Variants in ERBB4 observed in about 807,000 individuals in gnomAD.
The protein encoded by ERBB4 is receptor tyrosine-protein kinase erbB-4.
In ERBB4, 42 loss-of-function variants were observed where a neutral mutation model predicts 158.0. The ratio of observed to expected loss-of-function variants is 0.27; its 90% confidence interval spans 0.21 to 0.34. The LOEUF is 0.34. Among genes scored for constraint, ERBB4 ranks in the 10% least tolerant of loss-of-function variants. ERBB4 has a pLI of 1.00. For missense variants in ERBB4, 1,333 were observed against 1,624.1 expected (o/e 0.82, Z 3.08); for synonymous variants, 583 against 558.7 (o/e 1.04, Z -0.61).
intron 2 of ERBB4, among the ~76,000 whole-genome samples, chr2:212,099,642 T>C (rs2079027166): frequency 6.6e-6 from 1 of 152,148 alleles, no homozygotes; most frequent in Non-Finnish European, 1.5e-5. Context: ...CTACAACCTC[T>C]ACCTTATCTG....
intron 25 of ERBB4, among the ~76,000 whole-genome samples, chr2:211,411,485 C>T (rs1008391647): frequency 1.3e-5 from 2 of 152,164 alleles, no homozygotes; most frequent in Admixed American, 6.5e-5. Context: ...ACAGTCAAAT[C>T]TATAATACAT....
At chr2:211,529,320 C>T (rs2066433697) in intron 20 of ERBB4, among the ~76,000 whole-genome samples, 1 of 151,466 alleles carries the variant, frequency 6.6e-6, no homozygotes, top group South Asian at 2.1e-4. Flanking sequence ...AATCCAAAAC[C>T]TGAACAAACA....
intron 20 of ERBB4, among the ~76,000 whole-genome samples, chr2:211,546,888 A>G (rs554555382): frequency 6.6e-6 from 1 of 152,244 alleles, no homozygotes; most frequent in East Asian, 1.9e-4. Flanking sequence ...CATTATTACA[A>G]ATACTGATCG....
At chr2:212,473,726 A>C (rs1157996057) in intron 1 of ERBB4, among the ~76,000 whole-genome samples, 1 of 152,220 alleles carries the variant, frequency 6.6e-6, no homozygotes, top group East Asian at 1.9e-4. Flanking sequence ...TATATGGATA[A>C]AACTACAGCT....
chr2:211,525,062 C>A (rs570116620), intron 20 of ERBB4, among the ~76,000 whole-genome samples: 37 of 152,276 alleles, frequency 2.4e-4, no homozygotes, highest in African/African-American at 8.7e-4. Flanking sequence ...TTCCAGCAAG[C>A]CTCACCACTG....
At chr2:212,026,762 G>A (rs1032637772) in intron 2 of ERBB4, among the ~76,000 whole-genome samples, 4 of 151,746 alleles carry the variant, frequency 2.6e-5, no homozygotes, top group African/African-American at 9.7e-5. Flanking sequence ...CTGAAATTCA[G>A]TTCATTTATG....
intron 20 of ERBB4, among the ~76,000 whole-genome samples, chr2:211,482,906 A>T (rs1477250490): frequency 2.0e-5 from 3 of 152,302 alleles, no homozygotes; most frequent in African/African-American, 7.2e-5. Flanking sequence ...ACTGTCTCAA[A>T]AAATAAATAA....
In ERBB4 at chr2:212,115,342, G is replaced by T. The variant is rs1001223047; in HGVS notation, c.234+9410C>A. ...TCAAGTTTAAATCTGTCTTTTTTTTGAAAGAAAACAAAGTGTTTCATTTTA... is the reference window on the plus strand; with the variant it reads ...TCAAGTTTAAATCTGTCTTTTTTTTTAAAGAAAACAAAGTGTTTCATTTTA... On this transcript the variant is annotated intron_variant, in intron 2 of 27. Transcript: ENST00000342788. Among the ~76,000 whole-genome samples the T allele has an allele frequency of 6.6e-5, 10 of 150,492 alleles. 1 individual carries two copies. In the East Asian group the frequency reaches 2.0e-3, roughly 29 times the overall value.
chr2:212,005,738 TGCC>T (rs986498447), intron 2 of ERBB4, among the ~76,000 whole-genome samples: 2 of 152,218 alleles, frequency 1.3e-5, no homozygotes, highest in Non-Finnish European at 1.5e-5. Context: ...ATTAAATTTT[TGCC>T]AGTTATTGAG....
chr2:212,410,816 A>C (rs2091476256), intron 1 of ERBB4, among the ~76,000 whole-genome samples: 1 of 152,206 alleles, frequency 6.6e-6, no homozygotes, highest in African/African-American at 2.4e-5. Flanking sequence ...TCACCATGTA[A>C]GACTCTAACA....
intron 2 of ERBB4, among the ~76,000 whole-genome samples, chr2:211,948,972 C>T (rs769041961): frequency 6.6e-6 from 1 of 152,094 alleles, no homozygotes; most frequent in Non-Finnish European, 1.5e-5. Context: ...TCTTCCTCCA[C>T]CCCTCTGGCA....
rs1436364253 is a variant in ERBB4, at chr2:211,630,661, A to G, written c.1947-67T>C. Reference sequence around the variant, plus strand: ...GAGAGAGAAGACAGAGGAAGAGAAAAGAGCAGTTGTACAAGACATTATCCA... The same window carrying G: ...GAGAGAGAAGACAGAGGAAGAGAAAGGAGCAGTTGTACAAGACATTATCCA... On this transcript the variant is annotated intron_variant, in intron 16 of 27. Transcript: ENST00000342788. The G allele has an allele frequency of 1.1e-5, 15 of 1,385,186 alleles. No homozygotes were observed. In the East Asian group the frequency reaches 3.4e-4, roughly 32 times the overall value. 85.8% of individuals were successfully genotyped at this position (1,385,186 alleles called of 1,614,324 possible). A position where few individuals can be genotyped will look rare whatever the true frequency, so the allele number is the denominator to read the frequency against.
chr2:212,261,363 G>C (rs2084938097), intron 1 of ERBB4, among the ~76,000 whole-genome samples: 1 of 152,054 alleles, frequency 6.6e-6, no homozygotes, highest in South Asian at 2.1e-4. Flanking sequence ...ATCAATCTTA[G>C]GTAGGACTGA....
chr2:211,673,397 TAAG>T (rs773185744), intron 13 of ERBB4, 140 bp from the exon 14 acceptor site: 4 of 701,732 alleles, frequency 5.7e-6, no homozygotes, highest in African/African-American at 1.8e-5. Flanking sequence ...TCAGAAACAT[TAAG>T]TTTTCCATTA....
At chr2:212,168,064 A>C (rs558421037) in intron 1 of ERBB4, among the ~76,000 whole-genome samples, 1 of 47,056 alleles carries the variant, frequency 2.1e-5, no homozygotes, top group South Asian at 6.0e-4. Flanking sequence ...ACTGAAATTA[A>C]AATTAAAAAA....
At chr2:212,395,066 C>G (rs989883155) in intron 1 of ERBB4, among the ~76,000 whole-genome samples, 2 of 152,086 alleles carry the variant, frequency 1.3e-5, no homozygotes, top group African/African-American at 4.8e-5. Flanking sequence ...CTAAAAGTCA[C>G]TATTCTTAAC....
intron 2 of ERBB4, among the ~76,000 whole-genome samples, chr2:211,948,121 A>G (rs2080754721): frequency 6.6e-6 from 1 of 152,084 alleles, no homozygotes; most frequent in African/African-American, 2.4e-5. Context: ...GGGAACACAA[A>G]CATAAAAAAC....
At chr2:212,098,959 C>T (rs1451430353) in intron 2 of ERBB4, among the ~76,000 whole-genome samples, 1 of 151,922 alleles carries the variant, frequency 6.6e-6, no homozygotes, top group Non-Finnish European at 1.5e-5. Flanking sequence ...CCTGCACAAA[C>T]TTGAAAGCAC....
chr2:212,264,806 A>G (rs909119596), intron 1 of ERBB4, among the ~76,000 whole-genome samples: 1 of 152,138 alleles, frequency 6.6e-6, no homozygotes, highest in African/African-American at 2.4e-5. Flanking sequence ...TGAAAAGGTA[A>G]TAGAAAAGTA....
Sources: allele counts gnomAD v4.1 joint callset (sites outside exome capture counted in the v4.1 genomes callset), GRCh38; gene constraint gnomAD v4.1.1; transcripts MANE v1.5; gene names NCBI Gene and HGNC (gene_info 2026-07-23, HGNC 2026-07-21).